Variants in DEPDC5 observed in about 807,000 individuals in gnomAD.
DEPDC5 encodes DEP domain containing 5, GATOR1 subcomplex subunit.
DEPDC5 carries 73 observed loss-of-function variants against 217.3 expected under a neutral mutation model. That is an observed-to-expected ratio of 0.34 (90% confidence interval 0.28 to 0.41). DEPDC5 has a LOEUF of 0.41. Among genes scored for constraint, DEPDC5 ranks in the 10% least tolerant of loss-of-function variants. The probability of loss-of-function intolerance (pLI) is 1.00; values close to 1 mark genes in which losing one functional copy is unlikely to be tolerated. For synonymous variants in DEPDC5, 733 were observed against 756.7 expected, an observed-to-expected ratio of 0.97 and a Z score of 0.51; for missense variants, 1,675 against 2,070.1, an observed-to-expected ratio of 0.81 and a Z score of 3.70.
chr22:31,819,115 G>T lies in DEPDC5; in HGVS notation c.1760G>T (p.Arg587Leu). 6.2e-7 allele frequency: 1 copy of T among 1,614,142 alleles called. No individual in the cohort carries two copies. Among genetic ancestry groups the T allele is most frequent in the Non-Finnish European group, 8.5e-7 (1 of 1,180,024 alleles). Reference sequence around the variant, plus strand: ...AGTGCAGAATCCATGCTGCATGTTCGACCTGGTGGATACACGCCCCAGAGA... The same window carrying T: ...AGTGCAGAATCCATGCTGCATGTTCTACCTGGTGGATACACGCCCCAGAGA... ...VGSAESMLHV[R>L]PGGYTPQRAL... is the part of the protein sequence containing the mutation. Residue 587 changes from arginine (R) to leucine (L), a missense_variant, in exon 22 of 43, where the codon CGA (arginine) becomes CTA (leucine). Coordinates refer to ENST00000651528, the MANE Select transcript of DEPDC5 (RefSeq NM_001242896.3).
chr22:31,866,675 C>T (rs1414937158), intron 33 of DEPDC5, among the ~76,000 whole-genome samples: 1 of 152,202 alleles, frequency 6.6e-6, no homozygotes, highest in African/African-American at 2.4e-5. Context: ...TGAGCCACCG[C>T]GCCCAGCCCT....
At chr22:31,784,642 A>G (rs1161879774) in intron 9 of DEPDC5, 172 bp from the exon 10 acceptor site, 4 of 528,928 alleles carry the variant, frequency 7.6e-6, no homozygotes, top group African/African-American at 5.9e-5. Context: ...AAAAAGATGT[A>G]CAAAATACAC....
In DEPDC5 at chr22:31,778,174, A is replaced by G; in HGVS notation, c.483+6A>G. On this transcript the variant is annotated splice_donor_region_variant and intron_variant, in intron 8 of 42. Coordinates refer to ENST00000651528, the MANE Select transcript of DEPDC5 (RefSeq NM_001242896.3). ...ACATCAGTGAAGATACCAGGGTAAGATTTATAAAATGCTTTTTTGGTTTTA... is the reference window on the plus strand; with the variant it reads ...ACATCAGTGAAGATACCAGGGTAAGGTTTATAAAATGCTTTTTTGGTTTTA... 6.2e-7 allele frequency: 1 copy of G among 1,613,984 alleles called. No homozygotes were observed. Among genetic ancestry groups the G allele is most frequent in the African/African-American group, 1.3e-5 (1 of 75,050 alleles).
chr22:31,791,168 A>G (rs934508841), intron 10 of DEPDC5, among the ~76,000 whole-genome samples: 1 of 152,096 alleles, frequency 6.6e-6, no homozygotes, highest in Non-Finnish European at 1.5e-5. Flanking sequence ...CAGTTTTCCA[A>G]TCACTTTCCA....
At chr22:31,850,571 A>G (rs1602409984) in intron 31 of DEPDC5, among the ~76,000 whole-genome samples, 1 of 152,246 alleles carries the variant, frequency 6.6e-6, no homozygotes, top group Non-Finnish European at 1.5e-5. Flanking sequence ...TCAGACATCC[A>G]CTGGGGATCT....
intron 14 of DEPDC5, among the ~76,000 whole-genome samples, chr22:31,799,069 G>A (rs566769206): frequency 3.7e-4 from 55 of 148,904 alleles, no homozygotes; most frequent in African/African-American, 1.3e-3. Context: ...TTTTGAGATG[G>A]AGTCTTGCTC....
chr22:31,808,801 G>A (rs1294838750), intron 18 of DEPDC5, among the ~76,000 whole-genome samples: 1 of 152,098 alleles, frequency 6.6e-6, no homozygotes, highest in Non-Finnish European at 1.5e-5. Context: ...ACAACCTCAG[G>A]TGATCTACCT....
At chr22:31,818,715 C>G (rs1245334401) in intron 21 of DEPDC5, among the ~76,000 whole-genome samples, 1 of 152,224 alleles carries the variant, frequency 6.6e-6, no homozygotes, top group African/African-American at 2.4e-5. Context: ...CAAGTCCCAT[C>G]ATTCAGTCAT....
chr22:31,803,434 G>C (rs540885335), intron 15 of DEPDC5, among the ~76,000 whole-genome samples: 1 of 151,916 alleles, frequency 6.6e-6, no homozygotes, highest in African/African-American at 2.4e-5. Flanking sequence ...GGATGGTCTC[G>C]ATCTCCTGAC....
chr22:31,817,953 A>G (rs1374963360), intron 21 of DEPDC5, among the ~76,000 whole-genome samples: 1 of 152,222 alleles, frequency 6.6e-6, no homozygotes, highest in Non-Finnish European at 1.5e-5. Flanking sequence ...CTGCAAAGCA[A>G]CTTGAGGAAT....
chr22:31,838,676 T>G lies in DEPDC5; in HGVS notation c.2355-9T>G. 1 of 1,613,532 alleles carries G rather than the reference T, an allele frequency of 6.2e-7. No individual in the cohort carries two copies. The highest frequency in any genetic ancestry group is 8.5e-7 in the Non-Finnish European group (1 of 1,179,650). On this transcript the variant is annotated splice_polypyrimidine_tract_variant and intron_variant, in intron 26 of 42. Transcript: ENST00000651528. ...AGCATCTGTATGAGCAATCATCTGTTGTTTTCAGGAGGGACGAAGATGGTG... is the reference window on the plus strand; with the variant it reads ...AGCATCTGTATGAGCAATCATCTGTGGTTTTCAGGAGGGACGAAGATGGTG...
Position 31,821,850 on chromosome 22 carries a change from G to T in DEPDC5, c.2006+213G>T, listed in dbSNP as rs113591170. Among the ~76,000 whole-genome samples, 2,269 of 152,292 alleles carry T rather than the reference G, an allele frequency of 0.015. 55 individuals are homozygous for T. The highest frequency in any genetic ancestry group is 0.053 in the African/African-American group (2,189 of 41,558). On this transcript the variant is annotated intron_variant, in intron 23 of 42. Coordinates refer to ENST00000651528, the MANE Select transcript of DEPDC5 (RefSeq NM_001242896.3). ...CATTTTTGCCTGAGATGTTACCTAG[G>T]CCCTGTTTTAGGTTTATTTTGAATC...
intron 37 of DEPDC5, among the ~76,000 whole-genome samples, chr22:31,878,115 A>C (rs1209026083): frequency 1.3e-5 from 2 of 151,654 alleles, no homozygotes; most frequent in Non-Finnish European, 1.5e-5. Flanking sequence ...TGAACCTGGG[A>C]TGTGGAGGTT....
chr22:31,887,300 A>G (rs1391274792), intron 38 of DEPDC5, among the ~76,000 whole-genome samples: 13 of 150,754 alleles, frequency 8.6e-5, no homozygotes, highest in African/African-American at 2.9e-4. Flanking sequence ...GGCACCTGTA[A>G]TTCCAGCTGC....
At chr22:31,761,045 G>T (rs1032196616) in intron 4 of DEPDC5, among the ~76,000 whole-genome samples, 1 of 151,128 alleles carries the variant, frequency 6.6e-6, no homozygotes. Flanking sequence ...GCAGTGGCGC[G>T]ATCTCGGCTC....
chr22:31,823,630 C>T (rs766013254), intron 24 of DEPDC5, among the ~76,000 whole-genome samples: 4 of 151,002 alleles, frequency 2.6e-5, no homozygotes, highest in Non-Finnish European at 5.9e-5. Flanking sequence ...AGTTTCAGTG[C>T]GGGTGGGGGA....
chr22:31,785,439 A>G (rs1005321551), intron 10 of DEPDC5, among the ~76,000 whole-genome samples: 10 of 152,242 alleles, frequency 6.6e-5, no homozygotes, highest in African/African-American at 1.9e-4. Context: ...ACTAGAATCT[A>G]TAAAACACTG....
intron 38 of DEPDC5, among the ~76,000 whole-genome samples, chr22:31,887,438 A>G (rs1044872300): frequency 1.1e-4 from 16 of 151,468 alleles, no homozygotes; most frequent in South Asian, 4.2e-4. Flanking sequence ...AAAAAAAAAA[A>G]AGAGAAAAGT....
chr22:31,876,845 G>T (rs2093005331), intron 37 of DEPDC5, among the ~76,000 whole-genome samples: 1 of 152,124 alleles, frequency 6.6e-6, no homozygotes, highest in Non-Finnish European at 1.5e-5. Flanking sequence ...CATAACTGGA[G>T]GCACCCCAGA....
Sources: gnomAD v4.1 joint callset for allele counts (sites outside exome capture counted in the v4.1 genomes callset) on GRCh38, gnomAD v4.1.1 for gene constraint, MANE v1.5 for transcripts, NCBI Gene and HGNC (gene_info 2026-07-23, HGNC 2026-07-21) for gene names.